Variants in TPO observed in about 807,000 individuals in gnomAD.
TPO encodes the protein thyroid microsomal antigen.
TPO carries 78 observed loss-of-function variants against 96.9 expected under a neutral mutation model. That is an observed-to-expected ratio of 0.81 (90% confidence interval 0.67 to 0.97). The LOEUF is 0.97. Ranked by LOEUF, TPO falls within the 50% of genes least tolerant of loss-of-function variation. The probability of loss-of-function intolerance (pLI) is 0.00; values close to 1 mark genes in which losing one functional copy is unlikely to be tolerated. For missense variants in TPO, 1,252 were observed against 1,274.8 expected (o/e 0.98, Z 0.27); for synonymous variants, 547 against 538.0 (o/e 1.02, Z -0.23).
intron 8 of TPO, among the ~76,000 whole-genome samples, chr2:1,484,127 AT>A (rs1346400804): frequency 1.3e-5 from 2 of 152,212 alleles, no homozygotes; most frequent in African/African-American, 4.8e-5. Flanking sequence ...TCAAATCGTA[AT>A]TTCCAGGCCC....
rs146201483 is a variant in TPO at position 1,424,816 on chromosome 2, T to C, written c.179+1687T>C. Among the ~76,000 whole-genome samples the C allele has an allele frequency of 4.3e-3, 636 of 148,550 alleles. 5 individuals carry two copies. The highest frequency in any genetic ancestry group is 0.015 in the African/African-American group (585 of 40,064). ...GTCCGTGCTCCTTCTGTAAAGTCAT[T>C]GTTCTAGATGCCGGGATACAGAGAT... On this transcript the variant is annotated intron_variant, in intron 3 of 16. Coordinates refer to ENST00000329066, the MANE Select transcript of TPO (RefSeq NM_001206744.2).
chr2:1,526,237 C>G (rs1428131102), intron 15 of TPO, among the ~76,000 whole-genome samples: 9 of 96,014 alleles, frequency 9.4e-5, no homozygotes, highest in Non-Finnish European at 1.8e-4. Context: ...GTGTGCAACA[C>G]CCCCAAGTCC....
chr2:1,509,197 T>C (rs1407444647), intron 14 of TPO, among the ~76,000 whole-genome samples: 1 of 152,240 alleles, frequency 6.6e-6, no homozygotes, highest in African/African-American at 2.4e-5. Flanking sequence ...TGAGCGGTTT[T>C]GAGTGAGTTT....
At chr2:1,537,645 C>T (rs1486494421) in intron 15 of TPO, among the ~76,000 whole-genome samples, 3 of 126,966 alleles carry the variant, frequency 2.4e-5, no homozygotes, top group African/African-American at 6.0e-5. Flanking sequence ...TCCCCAGATC[C>T]CCCCCAATGT....
chr2:1,403,860 A>T (rs1402041405), intron 1 of TPO, among the ~76,000 whole-genome samples: 1 of 152,202 alleles, frequency 6.6e-6, no homozygotes, highest in Non-Finnish European at 1.5e-5. Flanking sequence ...ACGCAGCGGC[A>T]GCATGGAAAC....
At chr2:1,535,143 C>T (rs1325139758) in intron 15 of TPO, among the ~76,000 whole-genome samples, 1 of 51,432 alleles carries the variant, frequency 1.9e-5, no homozygotes, top group African/African-American at 7.2e-5. Flanking sequence ...TGCAACCTCC[C>T]CAAATCCCCC....
chr2:1,498,891 T>C (rs3755552), intron 13 of TPO, among the ~76,000 whole-genome samples: 87,717 of 151,948 alleles, frequency 0.58, 27,949 homozygotes, highest in African/African-American at 0.87. Flanking sequence ...GCCACTTCAC[T>C]CACGATTCCT....
At chr2:1,503,733 G>A (rs1673106582) in intron 13 of TPO, 2 of 828,680 alleles carry the variant, frequency 2.4e-6, no homozygotes, top group Non-Finnish European at 4.1e-6. Flanking sequence ...CTCCCTGCAG[G>A]CTCAGAGCCC....
rs994112962 is a variant in TPO, at chr2:1,405,868, A to G, written n.180+31466A>G. On this transcript the variant is annotated intron_variant and non_coding_transcript_variant, in intron 1 of 5. Transcript: ENST00000497517. ...TGAGTCATTTATTTTACTTAATAGAAGCAATATCCACTGGACGATATTCTA... is the reference window on the plus strand; with the variant it reads ...TGAGTCATTTATTTTACTTAATAGAGGCAATATCCACTGGACGATATTCTA... 1.3e-5 allele frequency among the ~76,000 whole-genome samples: 2 copies of G among 152,238 alleles called. 1 individual carries two copies. The highest frequency in any genetic ancestry group is 4.1e-4 in the South Asian group (2 of 4,830).
chr2:1,481,388 A>G (rs1222973009), intron 8 of TPO, among the ~76,000 whole-genome samples: 3 of 152,124 alleles, frequency 2.0e-5, no homozygotes, highest in African/African-American at 7.2e-5. Context: ...TGAAAAGATA[A>G]AGACATCCCA....
chr2:1,411,524 G>A (rs144275362), upstream of TPO, among the ~76,000 whole-genome samples: 503 of 152,210 alleles, frequency 3.3e-3, 2 homozygotes, highest in Non-Finnish European at 5.4e-3. Flanking sequence ...TTTGCCCCAC[G>A]CTGTCTCATT....
rs114902372 is a variant in TPO at position 1,403,002 on chromosome 2, G to A, written n.180+28600G>A. 6.6e-3 allele frequency among the ~76,000 whole-genome samples: 999 copies of A among 152,290 alleles called. 12 individuals carry two copies. The highest frequency in any genetic ancestry group is 0.022 in the African/African-American group (898 of 41,556). The stretch of plus-strand genomic sequence containing the variant: ...ACCATTATTGCATCTTTAGTCACTC[G>A]CAATATGGGAAAAGATAATGTCTCA... On this transcript the variant is annotated intron_variant and non_coding_transcript_variant, in intron 1 of 5. Coordinates refer to the TPO transcript ENST00000497517.
intron 15 of TPO, among the ~76,000 whole-genome samples, chr2:1,522,888 CTCCTCAAATCCCCCCACTGTGTGCAACT>C (rs1675487708): frequency 1.4e-5 from 2 of 144,636 alleles, no homozygotes; most frequent in African/African-American, 5.2e-5. Flanking sequence ...TGTGTGAAAC[CTCCTCAAATCCCCCCACTGTGTGCAACT>C]TCCTCAAATC....
chr2:1,398,061 C>A (rs1662111288), intron 1 of TPO, among the ~76,000 whole-genome samples: 1 of 152,240 alleles, frequency 6.6e-6, no homozygotes, highest in Non-Finnish European at 1.5e-5. Flanking sequence ...AGCTCCACTT[C>A]CAGACAGTGA....
chr2:1,428,754 A>C (rs186012165), intron 3 of TPO, among the ~76,000 whole-genome samples: 1 of 152,178 alleles, frequency 6.6e-6, no homozygotes, highest in Admixed American at 6.5e-5. Flanking sequence ...TGTCTTGCTC[A>C]GATAGATTTT....
At chr2:1,417,071 A>C (rs988824080) in intron 2 of TPO, among the ~76,000 whole-genome samples, 1 of 152,268 alleles carries the variant, frequency 6.6e-6, no homozygotes, top group African/African-American at 2.4e-5. Flanking sequence ...GTGGCCGCTC[A>C]GTCTCACAGT....
intron 14 of TPO, among the ~76,000 whole-genome samples, chr2:1,505,536 C>T (rs1022544810): frequency 1.5e-5 from 2 of 135,906 alleles, no homozygotes; most frequent in Admixed American, 1.5e-4. Context: ...CACAACCCCC[C>T]TCCTGTGTCA....
At chr2:1,414,306 A>G (rs2148398852) in intron 1 of TPO, 102 bp from the exon 2 acceptor site, 1 of 1,105,766 alleles carries the variant, frequency 9.0e-7, no homozygotes, top group East Asian at 2.6e-5. Context: ...GGCTGCGTGG[A>G]GTCAGTGGAG....
In TPO at chr2:1,512,737, T is replaced by TGATGGTGGAC. The variant is rs1445879886; in HGVS notation, c.2519-4135_2519-4126dup. Among the ~76,000 whole-genome samples, 7 of 152,040 alleles carry TGATGGTGGAC rather than the reference T, an allele frequency of 4.6e-5. No individual in the cohort carries two copies. The East Asian group carries it at 7.7e-4, about 17-fold the overall frequency. ...ACTGGGCCAGGCCGCCGGTGGAGCC[T>TGATGGTGGAC]GATGGTGGACGATGGTGGACAGTGA... On this transcript the variant is annotated intron_variant, in intron 14 of 16. Transcript: ENST00000329066.
Sources: gnomAD v4.1 joint callset for allele counts (sites outside exome capture counted in the v4.1 genomes callset) on GRCh38, gnomAD v4.1.1 for gene constraint, MANE v1.5 for transcripts, NCBI Gene and HGNC (gene_info 2026-07-23, HGNC 2026-07-21) for gene names.